PLXDC1: variants seen among roughly 807,000 people sequenced by gnomAD.
PLXDC1 encodes plexin domain containing 1.
Under a neutral mutation model 61.3 loss-of-function variants are expected in PLXDC1, and 39 were observed. The ratio of observed to expected loss-of-function variants is 0.64; its 90% confidence interval spans 0.49 to 0.83. PLXDC1 has a LOEUF of 0.83. Among genes scored for constraint, PLXDC1 ranks in the 40% least tolerant of loss-of-function variants. The probability of loss-of-function intolerance (pLI) is 0.00; values close to 1 mark genes in which losing one functional copy is unlikely to be tolerated. For synonymous variants in PLXDC1, 212 were observed against 254.5 expected, an observed-to-expected ratio of 0.83 and a Z score of 1.59; for missense variants, 596 against 666.5, an observed-to-expected ratio of 0.89 and a Z score of 1.17.
Position 39,151,101 on chromosome 17 carries a change from C to G in PLXDC1, c.76+261G>C, listed in dbSNP as rs1257845635. On this transcript the variant is annotated intron_variant, in intron 1 of 13. Coordinates refer to ENST00000315392, the MANE Select transcript of PLXDC1 (RefSeq NM_020405.5). This position sits in a 1 kb window ranked among gnomAD's most constrained non-coding sequence, Gnocchi z 5.2. ...AGCCCATGGCCACATAGAGCCCCCTCTCCTAAGGTCCCTCCAGTATCCTTC... is the reference window on the plus strand; with the variant it reads ...AGCCCATGGCCACATAGAGCCCCCTGTCCTAAGGTCCCTCCAGTATCCTTC... 6.6e-6 allele frequency among the ~76,000 whole-genome samples: 1 copy of G among 152,228 alleles called. No individual in the cohort carries two copies. The highest frequency in any genetic ancestry group is 1.5e-5 in the Non-Finnish European group (1 of 68,038).
chr17:39,144,014 G>A (rs756470722), intron 1 of PLXDC1, among the ~76,000 whole-genome samples: 2 of 152,220 alleles, frequency 1.3e-5, no homozygotes, highest in African/African-American at 2.4e-5. Flanking sequence ...AGGATAGAGC[G>A]GGTAGTGAAC....
intron 13 of PLXDC1, among the ~76,000 whole-genome samples, chr17:39,068,213 T>G (rs746261485): frequency 3.3e-5 from 5 of 152,244 alleles, no homozygotes; most frequent in Non-Finnish European, 7.3e-5. Flanking sequence ...CTGTGTGGTC[T>G]GCAGAACTCA....
chr17:39,133,564 C>T (rs1911631745), intron 2 of PLXDC1, among the ~76,000 whole-genome samples: 1 of 152,194 alleles, frequency 6.6e-6, no homozygotes, highest in Admixed American at 6.5e-5. Flanking sequence ...AGTCCCGGCT[C>T]TCCTGTGCTT....
At chr17:39,133,873 C>T (rs1188499897) in intron 2 of PLXDC1, among the ~76,000 whole-genome samples, 1 of 152,116 alleles carries the variant, frequency 6.6e-6, no homozygotes, top group African/African-American at 2.4e-5. Flanking sequence ...GCAATCCTCC[C>T]ACCTCAGCAT....
intron 7 of PLXDC1, among the ~76,000 whole-genome samples, chr17:39,099,250 C>G (rs150406249): frequency 7.8e-4 from 118 of 152,230 alleles, no homozygotes; most frequent in African/African-American, 2.8e-3. Flanking sequence ...CCCCTCATCT[C>G]TCTGGTTTGC....
At chr17:39,127,501 A>G (rs1911345624) in intron 2 of PLXDC1, among the ~76,000 whole-genome samples, 1 of 152,170 alleles carries the variant, frequency 6.6e-6, no homozygotes, top group African/African-American at 2.4e-5. Flanking sequence ...CCATTAGACA[A>G]TGAAGAAATG....
At chr17:39,147,197 C>A (rs2045347933) in intron 1 of PLXDC1, among the ~76,000 whole-genome samples, 1 of 152,094 alleles carries the variant, frequency 6.6e-6, no homozygotes, top group African/African-American at 2.4e-5. Context: ...ACCTTGTGAT[C>A]CACCCACCTC....
At chr17:39,082,174 G>C (rs1227211720) in intron 9 of PLXDC1, among the ~76,000 whole-genome samples, 1 of 152,206 alleles carries the variant, frequency 6.6e-6, no homozygotes, top group Non-Finnish European at 1.5e-5. Flanking sequence ...ATAAAGGCGA[G>C]AACTTCTACA....
chr17:39,105,797 C>A, intron 7 of PLXDC1, 57 bp downstream of exon 7: 1 of 1,084,324 alleles, frequency 9.2e-7, no homozygotes, highest in Non-Finnish European at 1.4e-6. Context: ...AGCTCAGGTT[C>A]AGTCTGAGCG....
chr17:39,063,405 C>T lies in PLXDC1; in HGVS notation c.*4435G>A, dbSNP rs756387780. ...TTTACAGACCAATATAAGTAAACAG[C>T]TGGGGTTTCTTTTTAGGCTGTTTCT... On this transcript the variant is annotated 3_prime_UTR_variant, in exon 14 of 14. Transcript: ENST00000315392. 2.9e-6 allele frequency: 2 copies of T among 699,076 alleles called. No homozygotes were observed. The highest frequency in any genetic ancestry group is 3.0e-5 in the South Asian group (2 of 66,780). 43.3% of individuals were successfully genotyped at this position (699,076 alleles called of 1,614,324 possible).
chr17:39,107,181 C>G (rs1306998166), intron 6 of PLXDC1, among the ~76,000 whole-genome samples: 1 of 152,222 alleles, frequency 6.6e-6, no homozygotes, highest in African/African-American at 2.4e-5. Context: ...GGCACCTCTA[C>G]TTGGGAGCGC....
In PLXDC1 at chr17:39,105,790, TC is replaced by T. The variant is rs1027125669; in HGVS notation, c.811+63del. The T allele has an allele frequency of 3.0e-6, 3 of 1,008,398 alleles. No individual in the cohort carries two copies. In the African/African-American group the frequency reaches 4.8e-5, roughly 16 times the overall value. 62.5% of individuals were successfully genotyped at this position (1,008,398 alleles called of 1,614,324 possible). On this transcript the variant is annotated intron_variant, in intron 7 of 13. Coordinates refer to ENST00000315392, the MANE Select transcript of PLXDC1 (RefSeq NM_020405.5). ...CTGCCACTGCCATCCCCCCAGCAGC[TC>T]AGGTTCAGTCTGAGCGGAGTCCTAC... is the stretch of plus-strand genomic sequence containing the variant.
Position 39,151,550 on chromosome 17 carries a change from G to A in PLXDC1, c.-113C>T. On this transcript the variant is annotated 5_prime_UTR_variant, in exon 1 of 14. Transcript: ENST00000315392. The surrounding 1 kb of genome is among the most constrained non-coding windows in gnomAD (Gnocchi z 5.2). Reference sequence around the variant, plus strand: ...CCCCGGGGCTGGCGGAGGGGCGGGCGGCGAGGAGACGGCGGAGCGCGGGGC... The same window carrying A: ...CCCCGGGGCTGGCGGAGGGGCGGGCAGCGAGGAGACGGCGGAGCGCGGGGC... The A allele has an allele frequency of 8.3e-7, 1 of 1,210,112 alleles. No individual in the cohort carries two copies. 75.0% of individuals were successfully genotyped at this position (1,210,112 alleles called of 1,614,324 possible).
chr17:39,151,454 TGCCCCCG>T lies in PLXDC1; in HGVS notation c.-24_-18del. On this transcript the variant is annotated 5_prime_UTR_variant, in exon 1 of 14. Coordinates refer to ENST00000315392, the MANE Select transcript of PLXDC1 (RefSeq NM_020405.5). This position sits in a 1 kb window ranked among gnomAD's most constrained non-coding sequence, Gnocchi z 5.2. ...GCCTCGCATGGTGGGTGCCCGGACC[TGCCCCCG>T]GCCTGCTTGCTGCCCCGGTCCTGAC... 1 of 1,260,764 alleles carries T rather than the reference TGCCCCCG, an allele frequency of 7.9e-7. No individual in the cohort carries two copies. The highest frequency in any genetic ancestry group is 1.0e-6 in the Non-Finnish European group (1 of 1,002,692). 78.1% of individuals were successfully genotyped at this position (1,260,764 alleles called of 1,614,324 possible). A position where few individuals can be genotyped will look rare whatever the true frequency, so the allele number is the denominator to read the frequency against.
chr17:39,077,852 A>C, intron 11 of PLXDC1, 61 bp downstream of exon 11: 2 of 1,585,694 alleles, frequency 1.3e-6, no homozygotes, highest in Non-Finnish European at 1.7e-6. Flanking sequence ...GGGGCCCCAG[A>C]GGGGTGGGTA....
intron 2 of PLXDC1, among the ~76,000 whole-genome samples, chr17:39,117,792 A>G (rs1372550006): frequency 6.6e-6 from 1 of 152,192 alleles, no homozygotes; most frequent in Non-Finnish European, 1.5e-5. Flanking sequence ...AGAGCTGAGT[A>G]AAGGGTTTGA....
intron 7 of PLXDC1, among the ~76,000 whole-genome samples, chr17:39,093,915 G>A (rs115355103): frequency 0.014 from 2,190 of 152,138 alleles, 52 homozygotes; most frequent in African/African-American, 0.05. Context: ...CTGAGGTGGC[G>A]AGGGGTTCAC....
intron 2 of PLXDC1, among the ~76,000 whole-genome samples, chr17:39,128,437 C>T (rs1267415021): frequency 6.6e-6 from 1 of 151,210 alleles, no homozygotes; most frequent in Non-Finnish European, 1.5e-5. Flanking sequence ...CCAGGGTGGT[C>T]TCAAACTCCT....
intron 13 of PLXDC1, among the ~76,000 whole-genome samples, chr17:39,068,675 GAAAT>G (rs1284415545): frequency 6.6e-6 from 1 of 152,112 alleles, no homozygotes; most frequent in Non-Finnish European, 1.5e-5. Flanking sequence ...AGACTGTCTC[GAAAT>G]AAATAAAATG....
Sources: allele counts gnomAD v4.1 joint callset (sites outside exome capture counted in the v4.1 genomes callset), GRCh38; gene constraint gnomAD v4.1.1; non-coding constraint Gnocchi (gnomAD v3.1); transcripts MANE v1.5; gene names NCBI Gene and HGNC (gene_info 2026-07-23, HGNC 2026-07-21).